Variants in NGLY1 observed in about 807,000 individuals in gnomAD.
The protein encoded by NGLY1 is N-glycanase 1, also known as peptide-N(4)-(N-acetyl-beta-glucosaminyl)asparagine amidase.
In NGLY1, 68 loss-of-function variants were observed where a neutral mutation model predicts 84.6. The observed-to-expected ratio is 0.80, with a 90% confidence interval of 0.66 to 0.98. The LOEUF is 0.98. Among genes scored for constraint, NGLY1 ranks in the 50% least tolerant of loss-of-function variants. The probability of loss-of-function intolerance (pLI) is 0.00; values close to 1 mark genes in which losing one functional copy is unlikely to be tolerated. For synonymous variants in NGLY1, 280 were observed against 275.2 expected, an observed-to-expected ratio of 1.02 and a Z score of -0.17; for missense variants, 779 against 770.2, an observed-to-expected ratio of 1.01 and a Z score of -0.14.
upstream of NGLY1, among the ~76,000 whole-genome samples, chr3:25,786,471 A>G (rs1473112153): frequency 1.3e-5 from 2 of 152,192 alleles, no homozygotes; most frequent in Non-Finnish European, 2.9e-5. Flanking sequence ...TTTAGTACCC[A>G]TTCTTTGGTT....
At chr3:25,757,264 G>A (rs545197356) in intron 3 of NGLY1, among the ~76,000 whole-genome samples, 2 of 152,114 alleles carry the variant, frequency 1.3e-5, no homozygotes, top group Non-Finnish European at 2.9e-5. Flanking sequence ...TATAGCATAG[G>A]ATATCATTAC....
intron 3 of NGLY1, among the ~76,000 whole-genome samples, chr3:25,760,162 A>G (rs953370151): frequency 1.3e-5 from 2 of 152,172 alleles, no homozygotes; most frequent in Non-Finnish European, 2.9e-5. Context: ...AAAATACTCA[A>G]TAGTATAAAT....
intron 2 of NGLY1, among the ~76,000 whole-genome samples, chr3:25,773,585 A>G (rs1708003872): frequency 6.6e-6 from 1 of 152,060 alleles, no homozygotes; most frequent in African/African-American, 2.4e-5. Context: ...AAGTAACCTA[A>G]TAATTGACCT....
intron 2 of NGLY1, among the ~76,000 whole-genome samples, chr3:25,766,318 C>A (rs1382245635): frequency 1.3e-5 from 2 of 152,184 alleles, no homozygotes; most frequent in Admixed American, 1.3e-4. Context: ...CCGCCCACCA[C>A]AGCCTCCCAA....
At position 25,764,865 on chromosome 3, in the gene NGLY1, C is replaced by T. The variant is rs1260094001; in HGVS notation, c.247-554G>A. Among the ~76,000 whole-genome samples the T allele has an allele frequency of 2.6e-5, 4 of 152,134 alleles. No individual in the cohort carries two copies. The South Asian group carries it at 6.2e-4, about 24-fold the overall frequency. ...GGGTCAACTAATTTTTCCACGATAACGAAAAGTACACCCTGATAGTCAATC... is the reference window on the plus strand; with the variant it reads ...GGGTCAACTAATTTTTCCACGATAATGAAAAGTACACCCTGATAGTCAATC... On this transcript the variant is annotated intron_variant, in intron 2 of 11. Coordinates refer to ENST00000280700, the MANE Select transcript of NGLY1 (RefSeq NM_018297.4).
At position 25,789,658 on chromosome 3, in the gene NGLY1, G is replaced by T. The variant is rs1708678850; in HGVS notation, c.5+203C>A. 5 of 620,574 alleles carry T rather than the reference G, an allele frequency of 8.1e-6. No individual in the cohort carries two copies. The East Asian group carries it at 1.4e-4, about 17-fold the overall frequency. The allele number at this position is 620,574 out of a possible 1,614,324, so 38.4% of individuals were successfully genotyped here. A position where few individuals can be genotyped will look rare whatever the true frequency, so the allele number is the denominator to read the frequency against. On this transcript the variant is annotated intron_variant, in intron 1 of 11. Transcript: ENST00000417874. ...GATACACAACAAATTTCCTGATGTT[G>T]GCCATTTTGGTTAATTCCACTTTAC... is the stretch of plus-strand genomic sequence containing the variant.
chr3:25,725,154 G>T (rs2125451992), intron 10 of NGLY1, among the ~76,000 whole-genome samples: 1 of 152,290 alleles, frequency 6.6e-6, no homozygotes, highest in South Asian at 2.1e-4. Context: ...GGTTTTGTCA[G>T]GCTATTAGTA....
intron 4 of NGLY1, 39 bp from the exon 5 acceptor site, chr3:25,739,838 G>A (rs199539334): frequency 2.0e-6 from 3 of 1,469,798 alleles, no homozygotes; most frequent in East Asian, 2.3e-5. Flanking sequence ...AGCTAAAACT[G>A]ACAAAATTTA....
At chr3:25,761,644 T>TG (rs1707328285) in intron 3 of NGLY1, among the ~76,000 whole-genome samples, 1 of 152,324 alleles carries the variant, frequency 6.6e-6, no homozygotes, top group East Asian at 1.9e-4. Flanking sequence ...AAAAACAGCT[T>TG]GGTAATTTCT....
chr3:25,727,897 T>C (rs1157079429), intron 10 of NGLY1, among the ~76,000 whole-genome samples: 1 of 152,142 alleles, frequency 6.6e-6, no homozygotes, highest in East Asian at 1.9e-4. Context: ...AGTCATTCGA[T>C]AAAAAACCCT....
At chr3:25,758,693 TAAAC>T (rs1707162709) in intron 3 of NGLY1, among the ~76,000 whole-genome samples, 1 of 152,186 alleles carries the variant, frequency 6.6e-6, no homozygotes, top group Non-Finnish European at 1.5e-5. Context: ...ATATAACACA[TAAAC>T]AAATGAACAA....
At chr3:25,751,764 T>C (rs977145859) in intron 3 of NGLY1, among the ~76,000 whole-genome samples, 5 of 152,210 alleles carry the variant, frequency 3.3e-5, no homozygotes, top group African/African-American at 4.8e-5. Context: ...AGAGAAGCCA[T>C]AGGATCTACA....
At chr3:25,738,678 G>A (rs983780798) in intron 5 of NGLY1, among the ~76,000 whole-genome samples, 1 of 151,634 alleles carries the variant, frequency 6.6e-6, no homozygotes, top group African/African-American at 2.4e-5. Flanking sequence ...GCCCAGGCTG[G>A]AGCGCAGTGG....
intron 3 of NGLY1, among the ~76,000 whole-genome samples, chr3:25,758,557 G>A (rs186898019): frequency 5.9e-5 from 9 of 152,194 alleles, no homozygotes; most frequent in African/African-American, 1.9e-4. Flanking sequence ...CAGCCTGAGC[G>A]ACAAAGTGAG....
At chr3:25,733,466 CGTGTGT>C (rs60529800) in intron 8 of NGLY1, among the ~76,000 whole-genome samples, 29,726 of 133,928 alleles carry the variant, frequency 0.22, 3,101 homozygotes, top group East Asian at 0.3. Flanking sequence ...CTCACATGGA[CGTGTGT>C]GTGTGTGTGT....
rs77109827 is a variant in NGLY1 at position 25,778,702 on chromosome 3, A to G, written c.132-14T>C. 7.5e-3 allele frequency: 11,422 copies of G among 1,514,802 alleles called. 737 individuals carry two copies. The African/African-American group carries it at 0.14, about 19-fold the overall frequency. 93.8% of individuals were successfully genotyped at this position (1,514,802 alleles called of 1,614,324 possible). Reference sequence around the variant, plus strand: ...TCATTAGGGTTTCTGACAAAAAACAAAAGTTTGATTATATATAAAAAAAAC... The same window carrying G: ...TCATTAGGGTTTCTGACAAAAAACAGAAGTTTGATTATATATAAAAAAAAC... On this transcript the variant is annotated splice_polypyrimidine_tract_variant and intron_variant, in intron 1 of 11. Coordinates refer to ENST00000280700, the MANE Select transcript of NGLY1 (RefSeq NM_018297.4).
chr3:25,738,984 T>G (rs1271038755), intron 5 of NGLY1, among the ~76,000 whole-genome samples: 1 of 151,992 alleles, frequency 6.6e-6, no homozygotes, highest in African/African-American at 2.4e-5. Flanking sequence ...ATATGAGGAG[T>G]AGGTTAGGTT....
chr3:25,719,895 T>A, intron 11 of NGLY1, 119 bp downstream of exon 11: 1 of 906,322 alleles, frequency 1.1e-6, no homozygotes, highest in Admixed American at 3.2e-5. Context: ...TTTTTTTTTT[T>A]ACTGAAATAG....
Position 25,737,459 on chromosome 3 carries a change from G to C in NGLY1, c.882-4C>G. 1 of 1,581,154 alleles carries C rather than the reference G, an allele frequency of 6.3e-7. No homozygotes were observed. The highest frequency in any genetic ancestry group is 8.6e-7 in the Non-Finnish European group (1 of 1,163,094). ...AAGTTTCTCAGGGTTATTATATCTG[G>C]TTTAAAAAGAAAAAAAACCTTAATT... On this transcript the variant is annotated splice_region_variant and splice_polypyrimidine_tract_variant and intron_variant, in intron 5 of 11. Coordinates refer to ENST00000280700, the MANE Select transcript of NGLY1 (RefSeq NM_018297.4).
Sources: gnomAD v4.1 joint callset for allele counts (sites outside exome capture counted in the v4.1 genomes callset) on GRCh38, gnomAD v4.1.1 for gene constraint, MANE v1.5 for transcripts, NCBI Gene and HGNC (gene_info 2026-07-23, HGNC 2026-07-21) for gene names.